FAM78A: variants seen among roughly 807,000 people sequenced by gnomAD.
FAM78A encodes the protein protein FAM78A.
FAM78A carries 12 observed loss-of-function variants against 22.6 expected under a neutral mutation model. That is an observed-to-expected ratio of 0.53 (90% CI 0.34 to 0.86). The LOEUF (loss-of-function observed/expected upper bound fraction) is 0.86. Among genes scored for constraint, FAM78A ranks in the 40% least tolerant of loss-of-function variants. FAM78A has a pLI of 0.02. For missense variants in FAM78A, 322 were observed against 396.1 expected (o/e 0.81, Z 1.59); for synonymous variants, 151 against 155.8 (o/e 0.97, Z 0.23).
intron 1 of FAM78A, chr9:131,270,306 C>A (rs1281416225): frequency 2.8e-6 from 2 of 717,596 alleles, no homozygotes; most frequent in South Asian, 1.5e-5. Context: ...CTCAACTGTC[C>A]TCCCACAAAC....
rs368645470 is a variant in FAM78A, at chr9:131,266,675, T to C, written c.324-5325A>G. ...CTCATCCCACTGCCCCGTGGCCTGT[T>C]CATGAGGGTGATTAAATACTGATGC... On this transcript the variant is annotated intron_variant, in intron 1 of 1. Transcript: ENST00000372271. Among the ~76,000 whole-genome samples, 35 of 152,348 alleles carry C rather than the reference T, an allele frequency of 2.3e-4. 1 individual carries two copies. The highest frequency in any genetic ancestry group is 1.4e-3 in the East Asian group (7 of 5,180).
chr9:131,267,838 G>A (rs1835362826), intron 1 of FAM78A, among the ~76,000 whole-genome samples: 1 of 151,782 alleles, frequency 6.6e-6, no homozygotes, highest in South Asian at 2.1e-4. Context: ...AAGGTCAGGA[G>A]ATCGAGACCA....
At chr9:131,271,731 CA>C (rs913208902) in intron 1 of FAM78A, among the ~76,000 whole-genome samples, 2 of 152,260 alleles carry the variant, frequency 1.3e-5, no homozygotes, top group Non-Finnish European at 2.9e-5. Flanking sequence ...GCCAGGTTCC[CA>C]GGGGGCTCCA....
At position 131,261,206 on chromosome 9, in the gene FAM78A, G is replaced by A; in HGVS notation, c.468C>T (p.Ile156=). 6.2e-7 allele frequency: 1 copy of A among 1,614,032 alleles called. No individual in the cohort carries two copies. The highest frequency in any genetic ancestry group is 8.5e-7 in the Non-Finnish European group (1 of 1,180,014). Residue 156 remains isoleucine, a synonymous_variant, in exon 2 of 2, where the codon ATC becomes ATT. Coordinates refer to ENST00000372271, the MANE Select transcript of FAM78A (RefSeq NM_033387.4). This position sits in a 1 kb window ranked among gnomAD's most constrained non-coding sequence, Gnocchi z 7.1. ...TGGGGTAAAAGTTGTCATTCATGCT[G>A]ATGATGAACTTGGAGTCCCTCTTGG... is the stretch of plus-strand genomic sequence containing the variant. ...GPTKRDSKFI[I]SMNDNFYPSV... is the part of the protein sequence containing the mutation.
chr9:131,268,616 C>T (rs973165816), intron 1 of FAM78A, among the ~76,000 whole-genome samples: 1 of 152,242 alleles, frequency 6.6e-6, no homozygotes, highest in African/African-American at 2.4e-5. Flanking sequence ...AAAAGAAGTG[C>T]TTGGCCAGGC....
chr9:131,277,094 G>A (rs1360476027), upstream of FAM78A, among the ~76,000 whole-genome samples: 1 of 151,146 alleles, frequency 6.6e-6, no homozygotes, highest in Non-Finnish European at 1.5e-5. The surrounding 1 kb of genome is among the most constrained non-coding windows in gnomAD (Gnocchi z 8.4). Context: ...CCCCGGAGGC[G>A]GTGGCCCCCG....
At chr9:131,269,287 C>A (rs1306932849) in intron 1 of FAM78A, among the ~76,000 whole-genome samples, 2 of 152,152 alleles carry the variant, frequency 1.3e-5, no homozygotes, top group African/African-American at 4.8e-5. Context: ...TACTACCCTA[C>A]ATATTGTTTG....
upstream of FAM78A, among the ~76,000 whole-genome samples, chr9:131,280,092 T>C (rs1216377034): frequency 6.0e-5 from 9 of 149,372 alleles, no homozygotes; most frequent in East Asian, 1.8e-3. Context: ...CTGCACAGGA[T>C]GTCATCTCAG....
At chr9:131,266,991 C>A (rs111461499) in intron 1 of FAM78A, among the ~76,000 whole-genome samples, 3 of 152,242 alleles carry the variant, frequency 2.0e-5, no homozygotes, top group East Asian at 1.9e-4. Context: ...CACCTTAGCA[C>A]GCGGTGACAG....
chr9:131,279,550 G>T (rs1043508395), upstream of FAM78A, among the ~76,000 whole-genome samples: 1 of 152,230 alleles, frequency 6.6e-6, no homozygotes, highest in Non-Finnish European at 1.5e-5. Flanking sequence ...AAGTTCAAGT[G>T]CTCAATGAAC....
At chr9:131,269,788 T>C (rs1835394196) in intron 1 of FAM78A, among the ~76,000 whole-genome samples, 1 of 152,126 alleles carries the variant, frequency 6.6e-6, no homozygotes, top group Non-Finnish European at 1.5e-5. Context: ...ATGTGCATCT[T>C]TATGTGCTGC....
chr9:131,259,967 G>A lies in FAM78A; in HGVS notation c.*855C>T, dbSNP rs1430051138. The A allele has an allele frequency of 6.5e-6, 1 of 152,718 alleles. No individual in the cohort carries two copies. The highest frequency in any genetic ancestry group is 1.9e-4 in the East Asian group (1 of 5,196). The allele number at this position is 152,718 out of a possible 1,614,324, so 9.5% of individuals were successfully genotyped here. A position where few individuals can be genotyped will look rare whatever the true frequency, so the allele number is the denominator to read the frequency against. ...AGGGAAGTTAAGGCTGCTGGGAAGA[G>A]AGGGGAGAAGAGGCCAGGCGACTGG... is the stretch of plus-strand genomic sequence containing the variant. On this transcript the variant is annotated 3_prime_UTR_variant, in exon 2 of 2. Coordinates refer to ENST00000372271, the MANE Select transcript of FAM78A (RefSeq NM_033387.4).
chr9:131,258,103 C>CTT lies in FAM78A; in HGVS notation c.*2717_*2718dup, dbSNP rs1466894675. 6.7e-6 allele frequency: 1 copy of CTT among 149,096 alleles called. No individual in the cohort carries two copies. The highest frequency in any genetic ancestry group is 1.5e-5 in the Non-Finnish European group (1 of 67,538). 9.2% of individuals were successfully genotyped at this position (149,096 alleles called of 1,614,324 possible). A position where few individuals can be genotyped will look rare whatever the true frequency, so the allele number is the denominator to read the frequency against. Reference sequence around the variant, plus strand: ...TACTTTAAAATTACATTTTATTTCTCTTTATGAATATTTGCTTTTTGTTTT... The same window carrying CTT: ...TACTTTAAAATTACATTTTATTTCTCTTTTTATGAATATTTGCTTTTTGTTTT... On this transcript the variant is annotated 3_prime_UTR_variant, in exon 2 of 2. Transcript: ENST00000372271.
At chr9:131,271,852 CG>C (rs1835424909) in intron 1 of FAM78A, among the ~76,000 whole-genome samples, 1 of 149,588 alleles carries the variant, frequency 6.7e-6, no homozygotes, top group Non-Finnish European at 1.5e-5. Context: ...TGAGGAATTG[CG>C]GGGGCCGGGC....
At position 131,261,805 on chromosome 9, in the gene FAM78A, G is replaced by A. The variant is rs1449196880; in HGVS notation, c.324-455C>T. On this transcript the variant is annotated intron_variant, in intron 1 of 1. Coordinates refer to ENST00000372271, the MANE Select transcript of FAM78A (RefSeq NM_033387.4). This position sits in a 1 kb window ranked among gnomAD's most constrained non-coding sequence, Gnocchi z 7.1. ...CCTAAGGACATTTGGCCAAGCGGTGGGGCCTGGGACCCCGGCGCATTTCCA... is the reference window on the plus strand; with the variant it reads ...CCTAAGGACATTTGGCCAAGCGGTGAGGCCTGGGACCCCGGCGCATTTCCA... Among the ~76,000 whole-genome samples the A allele has an allele frequency of 2.0e-5, 3 of 152,172 alleles. No homozygotes were observed. The highest frequency in any genetic ancestry group is 4.8e-5 in the African/African-American group (2 of 41,426).
upstream of FAM78A, among the ~76,000 whole-genome samples, chr9:131,278,257 G>A (rs997962873): frequency 2.0e-5 from 3 of 152,136 alleles, no homozygotes; most frequent in African/African-American, 7.2e-5. Context: ...GTGTAGTTCC[G>A]CTGCTGTCTC....
At position 131,274,677 on chromosome 9, in the gene FAM78A, C is replaced by T. The variant is rs1450047441; in HGVS notation, c.323+1180G>A. Among the ~76,000 whole-genome samples the T allele has an allele frequency of 2.0e-5, 3 of 152,228 alleles. No homozygotes were observed. Among genetic ancestry groups the T allele is most frequent in the Non-Finnish European group, 4.4e-5 (3 of 68,044 alleles). ...GCCACCAGACTTGGTGTCCCGCCAT[C>T]CTCCACCCCTCTCATTTACAGGTGG... is the stretch of plus-strand genomic sequence containing the variant. On this transcript the variant is annotated intron_variant, in intron 1 of 1. Transcript: ENST00000372271. The surrounding 1 kb of genome is among the most constrained non-coding windows in gnomAD (Gnocchi z 4.2).
chr9:131,271,443 G>A (rs1421409599), intron 1 of FAM78A, among the ~76,000 whole-genome samples: 1 of 152,178 alleles, frequency 6.6e-6, no homozygotes, highest in East Asian at 1.9e-4. Flanking sequence ...GAGGTGCTGG[G>A]CTAAGGTCTT....
intron 1 of FAM78A, chr9:131,270,346 C>G: frequency 1.4e-6 from 1 of 717,638 alleles, no homozygotes; most frequent in Non-Finnish European, 2.6e-6. Context: ...TTCCCCCAAA[C>G]ACTGGGCACG....
Sources: allele counts gnomAD v4.1 joint callset (sites outside exome capture counted in the v4.1 genomes callset), GRCh38; gene constraint gnomAD v4.1.1; non-coding constraint Gnocchi (gnomAD v3.1); transcripts MANE v1.5; gene names NCBI Gene and HGNC (gene_info 2026-07-23, HGNC 2026-07-21).